Variants in TEX15 observed in about 807,000 individuals in gnomAD.
TEX15 encodes testis expressed 15, meiosis and synapsis associated.
TEX15 carries 171 observed loss-of-function variants against 237.3 expected under a neutral mutation model. The ratio of observed to expected loss-of-function variants is 0.72; its 90% CI spans 0.64 to 0.82. The LOEUF is 0.82. Among genes scored for constraint, TEX15 ranks in the 40% least tolerant of loss-of-function variants. TEX15 has a pLI of 0.00. For synonymous variants in TEX15, 1,338 were observed against 1,269.8 expected, an observed-to-expected ratio of 1.05 and a Z score of -1.14; for missense variants, 3,750 against 3,646.5, an observed-to-expected ratio of 1.03 and a Z score of -0.73.
chr8:30,862,755 T>C (rs1461378560), intron 5 of TEX15, among the ~76,000 whole-genome samples: 2 of 152,138 alleles, frequency 1.3e-5, no homozygotes, highest in Non-Finnish European at 2.9e-5. Context: ...CCAGAGTAAA[T>C]CTTTTTTTTT....
chr8:30,866,623 T>G (rs915837903), intron 5 of TEX15, among the ~76,000 whole-genome samples: 1 of 152,112 alleles, frequency 6.6e-6, no homozygotes, highest in African/African-American at 2.4e-5. Flanking sequence ...CAATGGATAC[T>G]TCTTATTCCA....
Position 30,845,698 on chromosome 8 carries a change from T to C in TEX15, c.4469A>G (p.Lys1490Arg). Reference sequence around the variant, plus strand: ...TTTTGAGACACTGCTAGCCATACTTTTCCTAGAAAGGCATTTTTTCTCTCC... The same window carrying C: ...TTTTGAGACACTGCTAGCCATACTTCTCCTAGAAAGGCATTTTTTCTCTCC... ...TSGEKKCLSR[K>R]SMASSVSKSH... The change falls in exon 8 of 11, where the codon AAA becomes AGA. Residue 1490 changes from lysine (K) to arginine (R), a missense_variant. Coordinates refer to ENST00000643185, the MANE Select transcript of TEX15 (RefSeq NM_001350162.2). The C allele has an allele frequency of 4.3e-6, 7 of 1,613,614 alleles. No individual in the cohort carries two copies. Among genetic ancestry groups the C allele is most frequent in the Non-Finnish European group, 5.9e-6 (7 of 1,179,594 alleles).
chr8:30,876,036 AT>A (rs2128773489), intron 3 of TEX15, among the ~76,000 whole-genome samples: 1 of 152,146 alleles, frequency 6.6e-6, no homozygotes, highest in Non-Finnish European at 1.5e-5. Context: ...CTGGTCTCAA[AT>A]TCCTGGGCTC....
At chr8:30,887,355 C>T (rs1228929953) in intron 2 of TEX15, 44 bp from the exon 3 acceptor site, 3 of 1,468,512 alleles carry the variant, frequency 2.0e-6, no homozygotes. Context: ...TCAATAAATA[C>T]ATAAAAGGCA....
At chr8:30,861,045 C>A (rs542920663) in intron 5 of TEX15, among the ~76,000 whole-genome samples, 2 of 150,272 alleles carry the variant, frequency 1.3e-5, no homozygotes, top group African/African-American at 2.4e-5. Context: ...AGAGAAAAGA[C>A]CAAAATGAAC....
chr8:30,867,393 T>A lies in TEX15; in HGVS notation c.412A>T (p.Thr138Ser). 1 of 1,533,120 alleles carries A rather than the reference T, an allele frequency of 6.5e-7. No homozygotes were observed. The highest frequency in any genetic ancestry group is 8.7e-7 in the Non-Finnish European group (1 of 1,144,402). 95.0% of individuals were successfully genotyped at this position (1,533,120 alleles called of 1,614,324 possible). The stretch of plus-strand genomic sequence containing the variant: ...AGTATCTTCAATGTAGATGCTCTGG[T>A]ACTTATTCCATTCTGATATATCTGG... ...VAQIYQNGISTRASTLKILGN... is the reference protein window; with the variant it reads ...VAQIYQNGISSRASTLKILGN... The change falls in exon 5 of 11, where the codon ACC becomes TCC. Residue 138 changes from threonine (T) to serine (S), a missense_variant. By Grantham distance (58) the Thr-to-Ser change is moderately conservative. Coordinates refer to ENST00000643185, the MANE Select transcript of TEX15 (RefSeq NM_001350162.2).
intron 2 of TEX15, among the ~76,000 whole-genome samples, chr8:30,896,663 G>T (rs1387485756): frequency 6.6e-6 from 1 of 152,106 alleles, no homozygotes; most frequent in Non-Finnish European, 1.5e-5. Flanking sequence ...TAGAATCAGT[G>T]CCCATATTGA....
Position 30,831,967 on chromosome 8 carries a change from G to C in TEX15, c.*1319C>G, listed in dbSNP as rs780143102. 2 of 152,140 alleles carry C rather than the reference G, an allele frequency of 1.3e-5. No individual in the cohort carries two copies. The highest frequency in any genetic ancestry group is 2.9e-5 in the Non-Finnish European group (2 of 68,012). The allele number at this position is 152,140 out of a possible 1,614,324, so 9.4% of individuals were successfully genotyped here. A position where few individuals can be genotyped will look rare whatever the true frequency, so the allele number is the denominator to read the frequency against. Reference sequence around the variant, plus strand: ...CAAATAGAAATGTTTTTTAAATATTGTTTTAACTCTATCGTCTTTTCAAAT... The same window carrying C: ...CAAATAGAAATGTTTTTTAAATATTCTTTTAACTCTATCGTCTTTTCAAAT... On this transcript the variant is annotated 3_prime_UTR_variant, in exon 11 of 11. Transcript: ENST00000643185.
chr8:30,859,864 A>G (rs1428004779), intron 6 of TEX15, 47 bp downstream of exon 6: 2 of 1,313,918 alleles, frequency 1.5e-6, no homozygotes. Flanking sequence ...AAAACATACA[A>G]TGTGAAACAT....
At chr8:30,891,902 T>A (rs1165108061) in intron 2 of TEX15, among the ~76,000 whole-genome samples, 1 of 152,260 alleles carries the variant, frequency 6.6e-6, no homozygotes, top group East Asian at 1.9e-4. Flanking sequence ...GAAATCTTTA[T>A]ATGAGATACT....
At chr8:30,854,155 T>C (rs987827953) in intron 7 of TEX15, among the ~76,000 whole-genome samples, 5 of 147,918 alleles carry the variant, frequency 3.4e-5, no homozygotes, top group Non-Finnish European at 7.5e-5. Flanking sequence ...AGGAAATTAA[T>C]GAAATAGAGA....
At position 30,843,306 on chromosome 8, in the gene TEX15, G is replaced by C. The variant is rs755175434; in HGVS notation, c.6861C>G (p.Phe2287Leu). 4 of 1,610,876 alleles carry C rather than the reference G, an allele frequency of 2.5e-6. No individual in the cohort carries two copies. In the East Asian group the frequency reaches 8.9e-5, roughly 36 times the overall value. Reference sequence around the variant, plus strand: ...CCTTCTTTTGTGAGTATTTTTTGCTGAAGGATTGTGTTCTCTCTTTCCAAA... The same window carrying C: ...CCTTCTTTTGTGAGTATTTTTTGCTCAAGGATTGTGTTCTCTCTTTCCAAA... The part of the protein sequence containing the change: ...NLVWKERTQS[F>L]SKKYSQKKDE... Residue 2287 changes from phenylalanine (F) to leucine (L), a missense_variant, in exon 8 of 11, where the codon TTC becomes TTG. Coordinates refer to ENST00000643185, the MANE Select transcript of TEX15 (RefSeq NM_001350162.2).
chr8:30,911,005 T>C (rs995517497), intron 1 of TEX15, among the ~76,000 whole-genome samples: 3 of 152,248 alleles, frequency 2.0e-5, no homozygotes, highest in African/African-American at 7.2e-5. Context: ...GAACTCTCCC[T>C]TTCAAGCAGC....
In TEX15 at chr8:30,848,340, T is replaced by G. The variant is rs762097563; in HGVS notation, c.1827A>C (p.Val609=). The part of the protein sequence containing the change: ...TSTVFPLKKK[V]SIDEYLQNTG... Reference sequence around the variant, plus strand: ...TATTTTGAAGGTATTCATCAATGCTTACTTTCTTTTTGAGTGGAAAAACTG... The same window carrying G: ...TATTTTGAAGGTATTCATCAATGCTGACTTTCTTTTTGAGTGGAAAAACTG... The change falls in exon 8 of 11, where the codon GTA becomes GTC. Residue 609 remains valine, a synonymous_variant. Coordinates refer to ENST00000643185, the MANE Select transcript of TEX15 (RefSeq NM_001350162.2). 1.2e-5 allele frequency: 20 copies of G among 1,614,156 alleles called. No homozygotes were observed. Among genetic ancestry groups the G allele is most frequent in the Non-Finnish European group, 1.7e-5 (20 of 1,180,006 alleles).
chr8:30,855,909 T>A (rs886192855), intron 7 of TEX15, among the ~76,000 whole-genome samples: 6 of 152,104 alleles, frequency 3.9e-5, no homozygotes, highest in Non-Finnish European at 5.9e-5. Flanking sequence ...TGCTTAGGGC[T>A]GGGGGTCAGG....
chr8:30,910,226 A>T (rs1809190494), intron 1 of TEX15, among the ~76,000 whole-genome samples: 1 of 152,132 alleles, frequency 6.6e-6, no homozygotes, highest in South Asian at 2.1e-4. Flanking sequence ...GTGCTGGGAG[A>T]AAAAGTGACC....
At position 30,844,151 on chromosome 8, in the gene TEX15, T is replaced by C. The variant is rs774693817; in HGVS notation, c.6016A>G (p.Arg2006Gly). The C allele has an allele frequency of 1.9e-6, 3 of 1,613,112 alleles. No homozygotes were observed. The highest frequency in any genetic ancestry group is 2.5e-6 in the Non-Finnish European group (3 of 1,179,514). Residue 2006 changes from arginine (R) to glycine (G), a missense_variant, in exon 8 of 11, where the codon AGG becomes GGG. Transcript: ENST00000643185. ...TGCAAAGATGATGCTTCATCTGCCCTCTGCAAAATTTGAGATAGATTAGCT... is the reference window on the plus strand; with the variant it reads ...TGCAAAGATGATGCTTCATCTGCCCCCTGCAAAATTTGAGATAGATTAGCT... ...LIANLSQILQ[R>G]ADEASSLQIL... is the part of the protein sequence containing the mutation.
rs1341951390 is a variant in TEX15 at position 30,848,111 on chromosome 8, G to T, written c.2056C>A (p.Gln686Lys). 6.2e-7 allele frequency: 1 copy of T among 1,609,540 alleles called. No individual in the cohort carries two copies. The highest frequency in any genetic ancestry group is 1.3e-5 in the African/African-American group (1 of 74,834). ...GAAGATTTTGTTATTTCTAACTCTTGAGTAATTAATATTTTATCACAGCTT... is the reference window on the plus strand; with the variant it reads ...GAAGATTTTGTTATTTCTAACTCTTTAGTAATTAATATTTTATCACAGCTT... ...GKSCDKILITQELEITKSSTS... is the reference protein window; with the variant it reads ...GKSCDKILITKELEITKSSTS... The change falls in exon 8 of 11, where the codon CAA (glutamine) becomes AAA (lysine). Residue 686 changes from glutamine (Q) to lysine (K), a missense_variant. By Grantham distance (53) the Gln-to-Lys change is moderately conservative. Coordinates refer to ENST00000643185, the MANE Select transcript of TEX15 (RefSeq NM_001350162.2).
rs775353039 is a variant in TEX15 at position 30,867,492 on chromosome 8, G to A, written c.313C>T (p.Arg105Cys). ...KNFTAKRSEMRESGRHCRELE... is the reference protein window; with the variant it reads ...KNFTAKRSEMCESGRHCRELE... Reference sequence around the variant, plus strand: ...TCCCTGCAATGTCTTCCACTTTCACGCATCTCTGACCTAAAGTAAAACAAA... The same window carrying A: ...TCCCTGCAATGTCTTCCACTTTCACACATCTCTGACCTAAAGTAAAACAAA... The change falls in exon 5 of 11, where the codon CGT becomes TGT. Residue 105 changes from arginine (R) to cysteine (C), a missense_variant. Coordinates refer to ENST00000643185, the MANE Select transcript of TEX15 (RefSeq NM_001350162.2). 7.8e-6 allele frequency: 12 copies of A among 1,530,032 alleles called. No individual in the cohort carries two copies. Among genetic ancestry groups the A allele is most frequent in the South Asian group, 2.4e-5 (2 of 83,820 alleles). The allele number at this position is 1,530,032 out of a possible 1,614,324, so 94.8% of individuals were successfully genotyped here.
Sources: gnomAD v4.1 joint callset for allele counts (sites outside exome capture counted in the v4.1 genomes callset) on GRCh38, gnomAD v4.1.1 for gene constraint, MANE v1.5 for transcripts, NCBI Gene and HGNC (gene_info 2026-07-23, HGNC 2026-07-21) for gene names.